Variants in FMO5 observed in about 807,000 individuals in gnomAD.
FMO5 encodes flavin-containing monooxygenase 5.
Under a neutral mutation model 43.6 loss-of-function variants are expected in FMO5, and 51 were observed. That is an observed-to-expected ratio of 1.17 (90% confidence interval 0.93 to 1.48). The LOEUF (loss-of-function observed/expected upper bound fraction) is 1.48. FMO5 is among the 40% of genes most tolerant of loss of function. The pLI, the probability that FMO5 is intolerant of heterozygous loss-of-function variation, is 0.00. For synonymous variants in FMO5, 187 were observed against 216.5 expected (o/e 0.86, Z 1.20); for missense variants, 644 against 643.0 (o/e 1.00, Z -0.02).
chr1:147,195,637 T>C (rs1471596825), intron 7 of FMO5, among the ~76,000 whole-genome samples: 2 of 152,152 alleles, frequency 1.3e-5, no homozygotes, highest in Admixed American at 1.3e-4. Flanking sequence ...TAAGGCTTAA[T>C]AGTATTTAAG....
chr1:147,186,957 T>C lies in FMO5; in HGVS notation c.1545A>G (p.Thr515=). ...ERSSSMTSTM[T]IGKFMLALAF... ...CAAGAGCTAGCATAAACTTGCCTAT[T>C]GTCATTGTTGAAGTCATAGAACTAC... Residue 515 remains threonine (T), a synonymous_variant, in exon 9 of 9, where the codon ACA becomes ACG. Coordinates refer to ENST00000254090, the MANE Select transcript of FMO5 (RefSeq NM_001461.4). 6.2e-7 allele frequency: 1 copy of C among 1,614,166 alleles called. No individual in the cohort carries two copies. Among genetic ancestry groups the C allele is most frequent in the Non-Finnish European group, 8.5e-7 (1 of 1,180,018 alleles).
At chr1:147,219,769 A>G (rs1417558802) in intron 2 of FMO5, among the ~76,000 whole-genome samples, 1 of 151,812 alleles carries the variant, frequency 6.6e-6, no homozygotes, top group Non-Finnish European at 1.5e-5. Context: ...AAAAAAGAAA[A>G]AAACTCCTAG....
At position 147,201,222 on chromosome 1, in the gene FMO5, C is replaced by T. The variant is rs1175101050; in HGVS notation, c.1113G>A (p.Leu371=). The T allele has an allele frequency of 6.2e-7, 1 of 1,614,162 alleles. No homozygotes were observed. The highest frequency in any genetic ancestry group is 8.5e-7 in the Non-Finnish European group (1 of 1,180,026). Residue 371 remains leucine (L), a synonymous_variant, in exon 7 of 9, where the codon TTG becomes TTA. Coordinates refer to ENST00000254090, the MANE Select transcript of FMO5 (RefSeq NM_001461.4). Reference sequence around the variant, plus strand: ...GCATAATGGCTCCTAAGGGCTGAATCAAGCCTATGATTGCAAGAGTTGGCC... The same window carrying T: ...GCATAATGGCTCCTAAGGGCTGAATTAAGCCTATGATTGCAAGAGTTGGCC... ...LERPTLAIIG[L]IQPLGAIMPI...
At chr1:147,197,135 A>C (rs1447515564) in intron 7 of FMO5, among the ~76,000 whole-genome samples, 1 of 152,096 alleles carries the variant, frequency 6.6e-6, no homozygotes, top group African/African-American at 2.4e-5. Flanking sequence ...TTCCTATAAC[A>C]CTTTACCAGC....
rs1200075158 is a variant in FMO5, at chr1:147,198,864, A to AT, written c.1183+2287_1183+2288insA. On this transcript the variant is annotated intron_variant, in intron 7 of 8. Coordinates refer to ENST00000254090, the MANE Select transcript of FMO5 (RefSeq NM_001461.4). ...AGACTGCATCTCAAAAAAAAAAAAA[A>AT]AAAAAAAAAAAGAAAGAAAGATGGG... Among the ~76,000 whole-genome samples, 3 of 139,348 alleles carry AT rather than the reference A, an allele frequency of 2.2e-5. No homozygotes were observed. The East Asian group carries it at 6.0e-4, about 28-fold the overall frequency. 91.4% of individuals were successfully genotyped at this position (139,348 alleles called of 152,430 possible).
At position 147,186,701 on chromosome 1, in the gene FMO5, C is replaced by T; in HGVS notation, c.*199G>A. ...ATTACCACAAGGAAGAGTGACGGAT[C>T]ATGAGTGGAAGGGAGATGAGTTAAT... On this transcript the variant is annotated 3_prime_UTR_variant, in exon 9 of 9. Coordinates refer to ENST00000254090, the MANE Select transcript of FMO5 (RefSeq NM_001461.4). 3 of 1,401,062 alleles carry T rather than the reference C, an allele frequency of 2.1e-6. No homozygotes were observed. Among genetic ancestry groups the T allele is most frequent in the Non-Finnish European group, 2.8e-6 (3 of 1,082,426 alleles). 86.8% of individuals were successfully genotyped at this position (1,401,062 alleles called of 1,614,324 possible).
chr1:147,186,643 G>A lies in FMO5; in HGVS notation c.*257C>T. On this transcript the variant is annotated 3_prime_UTR_variant, in exon 9 of 9. Transcript: ENST00000254090. ...AACTCTGCTAAAGACATACAAAGAT[G>A]ACTAAAAGAGTACCTGAGCTCCCAG... 1 of 1,221,082 alleles carries A rather than the reference G, an allele frequency of 8.2e-7. No homozygotes were observed. The highest frequency in any genetic ancestry group is 1.0e-6 in the Non-Finnish European group (1 of 969,788). 75.6% of individuals were successfully genotyped at this position (1,221,082 alleles called of 1,614,324 possible).
chr1:147,211,814 C>T (rs1353644435), intron 5 of FMO5, among the ~76,000 whole-genome samples: 1 of 152,176 alleles, frequency 6.6e-6, no homozygotes, highest in African/African-American at 2.4e-5. Flanking sequence ...TCTGAGTTAC[C>T]TAACTGTATG....
chr1:147,207,977 C>T (rs1660386088), intron 6 of FMO5, among the ~76,000 whole-genome samples: 3 of 152,294 alleles, frequency 2.0e-5, no homozygotes, highest in Admixed American at 6.5e-5. Context: ...CTGTCAGCTT[C>T]TTTCTTCAGC....
At chr1:147,211,844 C>T (rs1553923780) in intron 5 of FMO5, among the ~76,000 whole-genome samples, 2 of 152,192 alleles carry the variant, frequency 1.3e-5, no homozygotes, top group Admixed American at 1.3e-4. Flanking sequence ...GGGCAAGCTG[C>T]TTGCATGTGC....
chr1:147,212,258 G>A lies in FMO5; in HGVS notation c.630+135C>T, dbSNP rs587731235. 2.1e-4 allele frequency: 183 copies of A among 856,260 alleles called. 1 individual carries two copies. Among genetic ancestry groups the A allele is most frequent in the South Asian group, 3.9e-4 (23 of 58,328 alleles). The allele number at this position is 856,260 out of a possible 1,614,324, so 53.0% of individuals were successfully genotyped here. The stretch of plus-strand genomic sequence containing the variant: ...ATGTTGCCAACTGAGGTAATGAAAC[G>A]AAGCCCTATATTTGCCACTGGCACT... On this transcript the variant is annotated intron_variant, in intron 5 of 8. Transcript: ENST00000254090.
At chr1:147,221,807 G>A (rs782034126) in intron 2 of FMO5, among the ~76,000 whole-genome samples, 1 of 152,156 alleles carries the variant, frequency 6.6e-6, no homozygotes, top group Non-Finnish European at 1.5e-5. Context: ...ACCACAACAA[G>A]TGTTATCCTG....
chr1:147,226,959 A>T (rs1664023481), upstream of FMO5, among the ~76,000 whole-genome samples: 1 of 151,474 alleles, frequency 6.6e-6, no homozygotes, highest in African/African-American at 2.4e-5. Flanking sequence ...CAGCCTTCTG[A>T]GTAGGGACTA....
chr1:147,209,385 C>T (rs1660711147), intron 5 of FMO5, among the ~76,000 whole-genome samples: 1 of 137,060 alleles, frequency 7.3e-6, no homozygotes. Flanking sequence ...TTGCAGTGAG[C>T]CAAGATCGCA....
At chr1:147,202,309 G>GTCTTTTTTTTTTTTTTTTTTTTTTTT (rs1659115947) in intron 6 of FMO5, among the ~76,000 whole-genome samples, 1 of 118,436 alleles carries the variant, frequency 8.4e-6, no homozygotes, top group Non-Finnish European at 1.7e-5. Context: ...CTAAAAAGCA[G>GTCTTTTTTTTTTTTTTTTTTTTTTTT]TTCTTTTTTT....
rs1553917218 is a variant in FMO5 at position 147,186,946 on chromosome 1, A to C, written c.1556T>G (p.Phe519Cys). Residue 519 changes from phenylalanine to cysteine, a missense_variant, in exon 9 of 9, where the codon TTT (phenylalanine) becomes TGT (cysteine). Transcript: ENST00000254090. ...AGCAAAGAAGGCAAGAGCTAGCATA[A>C]ACTTGCCTATTGTCATTGTTGAAGT... is the stretch of plus-strand genomic sequence containing the variant. ...SMTSTMTIGK[F>C]MLALAFFAII... The C allele has an allele frequency of 1.9e-6, 3 of 1,614,060 alleles. No homozygotes were observed. The African/African-American group carries it at 4.0e-5, about 22-fold the overall frequency.
chr1:147,187,020 GC>G lies in FMO5; in HGVS notation c.1481del (p.Arg494ProfsTer6), dbSNP rs782041430. 1.0e-4 allele frequency: 163 copies of G among 1,614,050 alleles called. No homozygotes were observed. Among genetic ancestry groups the G allele is most frequent in the Non-Finnish European group, 1.3e-4 (159 of 1,180,032 alleles). On this transcript the variant is annotated frameshift_variant, in exon 9 of 9. Coordinates refer to ENST00000254090, the MANE Select transcript of FMO5 (RefSeq NM_001461.4). LOFTEE classifies it low-confidence loss of function (END_TRUNC). ...CTCTTGTCATCAGAGGCTTCCTGAT[GC>G]GATCATCTGTGGTGAGGATAGCTTT... ...ARKAILTTDD[R>X]IRKPLMTRVV...
intron 6 of FMO5, chr1:147,203,439 T>G: frequency 1.2e-6 from 1 of 842,398 alleles, no homozygotes. Context: ...GAACACCAGC[T>G]TCCAACATGT....
Position 147,187,066 on chromosome 1 carries a change from C to T in FMO5, c.1436G>A (p.Gly479Glu), listed in dbSNP as rs782121441. The T allele has an allele frequency of 3.7e-6, 6 of 1,614,138 alleles. No homozygotes were observed. In the South Asian group the frequency reaches 6.6e-5, roughly 18 times the overall value. The change falls in exon 9 of 9, where the codon GGA (glycine) becomes GAA (glutamate). Residue 479 changes from glycine to glutamate, a missense_variant. By Grantham distance (98) the Gly-to-Glu change is moderately conservative. Transcript: ENST00000254090. ...AGCTTTTCGAGCCCCATCCCACTTT[C>T]CAGGGCCCTGTACACGATAGTGGAT... ...TPIHYRVQGP[G>E]KWDGARKAIL...
Sources: gnomAD v4.1 joint callset for allele counts (sites outside exome capture counted in the v4.1 genomes callset) on GRCh38, gnomAD v4.1.1 for gene constraint, MANE v1.5 for transcripts, NCBI Gene and HGNC (gene_info 2026-07-23, HGNC 2026-07-21) for gene names.